Variants in CPNE4 observed in about 807,000 individuals in gnomAD.
CPNE4 encodes the protein copine-4.
In CPNE4, 25 loss-of-function variants were observed where a neutral mutation model predicts 67.9. The ratio of observed to expected loss-of-function variants is 0.37; its 90% confidence interval spans 0.27 to 0.51. The LOEUF is 0.51. CPNE4 is among the 20% of genes least tolerant of loss of function. The pLI, the probability that CPNE4 is intolerant of heterozygous loss-of-function variation, is 0.93. For missense variants in CPNE4, 464 were observed against 690.8 expected (o/e 0.67, Z 3.68); for synonymous variants, 242 against 244.9 (o/e 0.99, Z 0.11).
intron 3 of CPNE4, among the ~76,000 whole-genome samples, chr3:131,701,702 C>A (rs1302453707): frequency 6.6e-6 from 1 of 152,102 alleles, no homozygotes; most frequent in African/African-American, 2.4e-5. Context: ...ATAACTGCAC[C>A]TTGATTGCAG....
chr3:132,013,215 T>G (rs1293091136), intron 1 of CPNE4, among the ~76,000 whole-genome samples: 1 of 152,146 alleles, frequency 6.6e-6, no homozygotes. Context: ...AGAGCAAGAC[T>G]CCATCTCAAA....
At chr3:131,598,897 C>T (rs956196007) in intron 7 of CPNE4, among the ~76,000 whole-genome samples, 1 of 139,510 alleles carries the variant, frequency 7.2e-6, no homozygotes, top group Admixed American at 8.1e-5. Context: ...GGAGGAGGAG[C>T]CTCGCTGGGT....
chr3:131,771,903 G>T (rs1216995363), intron 2 of CPNE4, among the ~76,000 whole-genome samples: 9 of 151,590 alleles, frequency 5.9e-5, no homozygotes, highest in African/African-American at 1.9e-4. Flanking sequence ...AATTTTTTTT[G>T]TTTGTTTGTT....
chr3:131,822,334 T>G (rs2084992051), intron 2 of CPNE4, among the ~76,000 whole-genome samples: 1 of 152,218 alleles, frequency 6.6e-6, no homozygotes, highest in Non-Finnish European at 1.5e-5. Flanking sequence ...TCAGTTTCCC[T>G]TATTCTCAGA....
intron 2 of CPNE4, among the ~76,000 whole-genome samples, chr3:131,887,894 T>C (rs1057050489): frequency 1.3e-5 from 2 of 151,072 alleles, no homozygotes; most frequent in Non-Finnish European, 3.0e-5. Context: ...ACACTCTTCT[T>C]ATTAAGAAGG....
intron 2 of CPNE4, among the ~76,000 whole-genome samples, chr3:131,882,467 C>T (rs562226832): frequency 6.6e-6 from 1 of 152,176 alleles, no homozygotes; most frequent in South Asian, 2.1e-4. Flanking sequence ...CTTGTAGTAA[C>T]ACATTGGTAT....
intron 8 of CPNE4, among the ~76,000 whole-genome samples, chr3:131,586,726 A>G (rs73216419): frequency 0.08 from 10,355 of 129,684 alleles, 448 homozygotes; most frequent in Middle Eastern, 0.096. Flanking sequence ...TTCTATCTCT[A>G]TCTGTCTGTC....
intron 13 of CPNE4, among the ~76,000 whole-genome samples, chr3:131,550,887 C>A (rs1936137300): frequency 6.6e-6 from 1 of 152,078 alleles, no homozygotes. Context: ...GAGAGGCAGT[C>A]CTATCTATAC....
At chr3:131,846,365 A>G (rs868789096) in intron 2 of CPNE4, among the ~76,000 whole-genome samples, 5 of 152,260 alleles carry the variant, frequency 3.3e-5, no homozygotes, top group South Asian at 4.1e-4. Context: ...CTCTTGAGGG[A>G]ATGAATTAAC....
intron 7 of CPNE4, among the ~76,000 whole-genome samples, chr3:131,613,759 A>G (rs1426818990): frequency 6.6e-6 from 1 of 152,132 alleles, no homozygotes; most frequent in Non-Finnish European, 1.5e-5. Context: ...TAAACAGACC[A>G]TCACTCCCCT....
intron 1 of CPNE4, among the ~76,000 whole-genome samples, chr3:131,996,804 C>T (rs1030397738): frequency 2.0e-5 from 3 of 151,940 alleles, no homozygotes; most frequent in African/African-American, 7.3e-5. Context: ...GGCCATATTG[C>T]TTTGAAAAAG....
chr3:131,570,425 C>G (rs901933069), intron 10 of CPNE4, among the ~76,000 whole-genome samples: 1 of 151,804 alleles, frequency 6.6e-6, no homozygotes, highest in African/African-American at 2.4e-5. Context: ...CATGCTGGTG[C>G]GCTGCACCCA....
At chr3:131,746,096 T>C (rs1583128443) in intron 2 of CPNE4, among the ~76,000 whole-genome samples, 1 of 152,144 alleles carries the variant, frequency 6.6e-6, no homozygotes, top group Non-Finnish European at 1.5e-5. Context: ...GTTCTGTATA[T>C]GTTTTCTTAG....
At chr3:131,951,686 C>G (rs1560662316) in intron 1 of CPNE4, among the ~76,000 whole-genome samples, 1 of 152,188 alleles carries the variant, frequency 6.6e-6, no homozygotes, top group Non-Finnish European at 1.5e-5. Flanking sequence ...CCTCAGCCTG[C>G]CGAGTGCCTG....
At chr3:131,681,876 A>G (rs956167177) in intron 6 of CPNE4, among the ~76,000 whole-genome samples, 2 of 151,610 alleles carry the variant, frequency 1.3e-5, no homozygotes, top group African/African-American at 4.8e-5. Flanking sequence ...TCTTCAAGCT[A>G]ATTCTTTCTT....
chr3:131,708,957 G>GATATATATATATAT (rs202119937), intron 3 of CPNE4, among the ~76,000 whole-genome samples: 1,321 of 65,496 alleles, frequency 0.02, 115 homozygotes, highest in Non-Finnish European at 0.025. Flanking sequence ...AGGGCATAAA[G>GATATATATATATAT]ATATATATAT....
intron 2 of CPNE4, among the ~76,000 whole-genome samples, chr3:131,869,899 G>T (rs1399076366): frequency 1.3e-5 from 2 of 152,144 alleles, no homozygotes; most frequent in Non-Finnish European, 2.9e-5. Context: ...CTCTCATGGG[G>T]CCTGTAGCTT....
chr3:131,824,565 T>C (rs1343690409), intron 2 of CPNE4, among the ~76,000 whole-genome samples: 1 of 151,962 alleles, frequency 6.6e-6, no homozygotes, highest in Non-Finnish European at 1.5e-5. Context: ...CTATTGGTCT[T>C]TTAATGTTTC....
chr3:131,650,030 C>T (rs564910442), intron 7 of CPNE4, among the ~76,000 whole-genome samples: 27 of 152,254 alleles, frequency 1.8e-4, no homozygotes, highest in South Asian at 1.7e-3. Flanking sequence ...GTACTATTCA[C>T]GGTGGCTTGT....
Sources: gnomAD v4.1 joint callset for allele counts (sites outside exome capture counted in the v4.1 genomes callset) on GRCh38, gnomAD v4.1.1 for gene constraint, MANE v1.5 for transcripts, NCBI Gene and HGNC (gene_info 2026-07-23, HGNC 2026-07-21) for gene names.